Variants in CACNA2D1 observed in about 807,000 individuals in gnomAD.
CACNA2D1 encodes calcium voltage-gated channel auxiliary subunit alpha2delta 1.
A neutral mutation model predicts 171.5 loss-of-function variants in CACNA2D1; 53 were observed. That is an observed-to-expected ratio of 0.31 (90% CI 0.25 to 0.39). The LOEUF (loss-of-function observed/expected upper bound fraction) is 0.39, where lower values mean the gene tolerates loss of function less well. Among genes scored for constraint, CACNA2D1 ranks in the 10% least tolerant of loss-of-function variants. The probability of loss-of-function intolerance (pLI) is 1.00; values close to 1 mark genes in which losing one functional copy is unlikely to be tolerated. For missense variants in CACNA2D1, 903 were observed against 1,299.8 expected, an observed-to-expected ratio of 0.69 and a Z score of 4.69; for synonymous variants, 442 against 443.1, an observed-to-expected ratio of 1.00 and a Z score of 0.03.
intron 6 of CACNA2D1, among the ~76,000 whole-genome samples, chr7:82,095,528 G>A (rs989025148): frequency 2.0e-4 from 31 of 152,160 alleles, no homozygotes; most frequent in Admixed American, 1.8e-3. Flanking sequence ...CAGACTTCTA[G>A]TTTTCAGGAA....
intron 11 of CACNA2D1, 153 bp from the exon 12 acceptor site, chr7:82,033,054 C>A: frequency 1.8e-6 from 1 of 567,282 alleles, no homozygotes; most frequent in Admixed American, 2.7e-5. Context: ...TGGATCAGTT[C>A]AGGCCCACCC....
intron 1 of CACNA2D1, among the ~76,000 whole-genome samples, chr7:82,350,049 C>G (rs914948912): frequency 6.6e-6 from 1 of 152,140 alleles, no homozygotes; most frequent in African/African-American, 2.4e-5. Flanking sequence ...TTGTAAAATG[C>G]AAGAATAATT....
chr7:82,245,096 T>A (rs1804746143), intron 3 of CACNA2D1, among the ~76,000 whole-genome samples: 1 of 152,172 alleles, frequency 6.6e-6, no homozygotes, highest in Non-Finnish European at 1.5e-5. Flanking sequence ...TAGCAACAGC[T>A]CAGAGCCGAT....
chr7:82,031,378 CTGA>C (rs1158525504), intron 12 of CACNA2D1, among the ~76,000 whole-genome samples: 1 of 151,902 alleles, frequency 6.6e-6, no homozygotes, highest in Non-Finnish European at 1.5e-5. Context: ...CCATTCATTT[CTGA>C]TGATTTCTTT....
At chr7:82,060,188 T>TA (rs1562981589) in intron 10 of CACNA2D1, among the ~76,000 whole-genome samples, 424 of 15,890 alleles carry the variant, frequency 0.027, 51 homozygotes, top group Admixed American at 0.033. Flanking sequence ...AATATATATA[T>TA]ATTATATATA....
chr7:81,988,151 C>T (rs1797165272), intron 21 of CACNA2D1, among the ~76,000 whole-genome samples: 1 of 152,074 alleles, frequency 6.6e-6, no homozygotes, highest in South Asian at 2.1e-4. Flanking sequence ...ATCTAAGCAA[C>T]AAAGACACAG....
intron 10 of CACNA2D1, among the ~76,000 whole-genome samples, chr7:82,051,266 C>T (rs143892183): frequency 6.6e-5 from 10 of 152,246 alleles, no homozygotes; most frequent in Admixed American, 1.3e-4. Context: ...GGAAAAGCTT[C>T]CAGCTGGGAA....
intron 1 of CACNA2D1, among the ~76,000 whole-genome samples, chr7:82,432,660 G>A (rs1277213589): frequency 6.6e-6 from 1 of 152,090 alleles, no homozygotes; most frequent in Non-Finnish European, 1.5e-5. Flanking sequence ...TAATCTTCTA[G>A]AGTTTACTGT....
chr7:82,020,699 T>G (rs1317741999), intron 12 of CACNA2D1: 1 of 152,074 alleles, frequency 6.6e-6, no homozygotes, highest in Non-Finnish European at 1.5e-5. Context: ...TTTGGTGAGC[T>G]TTATCATACT....
chr7:82,316,418 C>T (rs1019006019), intron 3 of CACNA2D1, among the ~76,000 whole-genome samples: 1 of 152,092 alleles, frequency 6.6e-6, no homozygotes, highest in East Asian at 1.9e-4. Flanking sequence ...AATATTTTTA[C>T]CCTTGCCAGT....
rs1265254448 is a variant in CACNA2D1, at chr7:82,399,540, A to T, written c.95+43825T>A. Among the ~76,000 whole-genome samples the T allele has an allele frequency of 2.0e-5, 3 of 152,206 alleles. No individual in the cohort carries two copies. In the East Asian group the frequency reaches 5.8e-4, roughly 29 times the overall value. ...TTTAGAAAAAAAGTTCTTAACAATG[A>T]TAAAACAATGATGAAACATCGTTTA... On this transcript the variant is annotated intron_variant, in intron 1 of 38. Coordinates refer to ENST00000356860, the MANE Select transcript of CACNA2D1 (RefSeq NM_000722.4).
chr7:82,364,527 A>G (rs1458222986), intron 1 of CACNA2D1, among the ~76,000 whole-genome samples: 3 of 152,146 alleles, frequency 2.0e-5, no homozygotes, highest in Non-Finnish European at 4.4e-5. Flanking sequence ...ATGCCACTAA[A>G]ATGAGAAATT....
Position 82,007,616 on chromosome 7 carries a change from T to C in CACNA2D1, c.1440+63A>G, listed in dbSNP as rs553024329. The C allele has an allele frequency of 4.6e-6, 4 of 875,412 alleles. No homozygotes were observed. In the African/African-American group the frequency reaches 6.7e-5, roughly 15 times the overall value. The allele number at this position is 875,412 out of a possible 1,614,324, so 54.2% of individuals were successfully genotyped here. On this transcript the variant is annotated intron_variant, in intron 16 of 38. Coordinates refer to ENST00000356860, the MANE Select transcript of CACNA2D1 (RefSeq NM_000722.4). ...TTTTCTTATGGAAATATCTTATCCA[T>C]GTTGAGCTTCAACGTCACAGTTTGT...
chr7:82,199,628 A>T (rs1218945144), intron 3 of CACNA2D1, among the ~76,000 whole-genome samples: 1 of 152,050 alleles, frequency 6.6e-6, no homozygotes, highest in Non-Finnish European at 1.5e-5. Context: ...TCAGCCAAAA[A>T]ATATCTTCAA....
intron 4 of CACNA2D1, among the ~76,000 whole-genome samples, chr7:82,156,285 T>C (rs182845224): frequency 2.0e-5 from 3 of 152,296 alleles, no homozygotes; most frequent in African/African-American, 7.2e-5. Context: ...ACTTGTTTTG[T>C]TGACTTCTCT....
intron 26 of CACNA2D1, among the ~76,000 whole-genome samples, chr7:81,971,331 C>A (rs532366520): frequency 6.6e-6 from 1 of 151,346 alleles, no homozygotes; most frequent in East Asian, 1.9e-4. Context: ...GATCTTAGGG[C>A]CTTCATTATG....
chr7:82,418,893 C>A (rs968572467), intron 1 of CACNA2D1, among the ~76,000 whole-genome samples: 3 of 151,826 alleles, frequency 2.0e-5, no homozygotes, highest in African/African-American at 4.8e-5. Flanking sequence ...CCGAGGCAGG[C>A]GGATCACGAG....
At chr7:82,160,048 G>T (rs1794786351) in intron 4 of CACNA2D1, among the ~76,000 whole-genome samples, 1 of 151,558 alleles carries the variant, frequency 6.6e-6, no homozygotes, top group African/African-American at 2.4e-5. Flanking sequence ...TCAATCTCAA[G>T]AATGAAGAAT....
intron 3 of CACNA2D1, among the ~76,000 whole-genome samples, chr7:82,263,985 T>C (rs1807480240): frequency 6.6e-6 from 1 of 152,168 alleles, no homozygotes; most frequent in Non-Finnish European, 1.5e-5. Context: ...TTTAACATGA[T>C]TATGTAGGCC....
Sources: allele counts gnomAD v4.1 joint callset (sites outside exome capture counted in the v4.1 genomes callset), GRCh38; gene constraint gnomAD v4.1.1; transcripts MANE v1.5; gene names NCBI Gene and HGNC (gene_info 2026-07-23, HGNC 2026-07-21).